Variants in TLR4 observed in about 807,000 individuals in gnomAD.
TLR4 encodes toll-like receptor 4.
Under a neutral mutation model 27.4 loss-of-function variants are expected in TLR4, and 17 were observed. That is an observed-to-expected ratio of 0.62 (90% CI 0.42 to 0.93). The LOEUF (loss-of-function observed/expected upper bound fraction) is 0.93, where lower values mean the gene tolerates loss of function less well. Among genes scored for constraint, TLR4 ranks in the 40% least tolerant of loss-of-function variants. The pLI, the probability that TLR4 is intolerant of heterozygous loss-of-function variation, is 0.00. For missense variants in TLR4, 926 were observed against 962.3 expected, an observed-to-expected ratio of 0.96 and a Z score of 0.50; for synonymous variants, 363 against 365.7, an observed-to-expected ratio of 0.99 and a Z score of 0.08.
At position 117,714,254 on chromosome 9, in the gene TLR4, A is replaced by C; in HGVS notation, c.2126A>C (p.Tyr709Ser). ...CCTCCATTTCAGCTCTGCCTTCACT[A>C]CAGAGACTTTATTCCCGGTGTGGCC... The part of the protein sequence containing the change: ...GVPPFQLCLH[Y>S]RDFIPGVAIA... The change falls in exon 3 of 3, where the codon TAC becomes TCC. Residue 709 changes from tyrosine (Y) to serine (S), a missense_variant. Coordinates refer to ENST00000355622, the MANE Select transcript of TLR4 (RefSeq NM_138554.5). 1 of 1,601,172 alleles carries C rather than the reference A, an allele frequency of 6.2e-7. No individual in the cohort carries two copies.
chr9:117,715,205 TG>T lies in TLR4; in HGVS notation c.*558del. ...TTCCTAAGGAAACCTGATTAACACA[TG>T]CTCACAACCATCCTGGTCATTCTCG... On this transcript the variant is annotated 3_prime_UTR_variant, in exon 3 of 3. Transcript: ENST00000355622. The T allele has an allele frequency of 1.3e-5, 2 of 158,380 alleles. No homozygotes were observed. The highest frequency in any genetic ancestry group is 6.0e-5 in the Admixed American group (1 of 16,758). 9.8% of individuals were successfully genotyped at this position (158,380 alleles called of 1,614,324 possible).
chr9:117,715,564 CAGGAAGGA>C lies in TLR4; in HGVS notation c.*919_*926del, dbSNP rs1427219731. On this transcript the variant is annotated 3_prime_UTR_variant, in exon 3 of 3. Coordinates refer to ENST00000355622, the MANE Select transcript of TLR4 (RefSeq NM_138554.5). ...TATCATGGACAATTTGGGCTAGAGG[CAGGAAGGA>C]AGTGGGATGACCTCAGGAGGTCACC... 1 of 152,150 alleles carries C rather than the reference CAGGAAGGA, an allele frequency of 6.6e-6. No individual in the cohort carries two copies. Among genetic ancestry groups the C allele is most frequent in the Non-Finnish European group, 1.5e-5 (1 of 68,050 alleles). The allele number at this position is 152,150 out of a possible 1,614,324, so 9.4% of individuals were successfully genotyped here.
chr9:117,712,112 A>G (rs911685299), intron 2 of TLR4, among the ~76,000 whole-genome samples: 4 of 152,100 alleles, frequency 2.6e-5, no homozygotes, highest in Non-Finnish European at 2.9e-5. Flanking sequence ...TTGATCTTTA[A>G]CTGATTTCCT....
At position 117,721,128 on chromosome 9, in the gene TLR4, G is replaced by A. The variant is rs1234601117; in HGVS notation, c.*6480G>A. On this transcript the variant is annotated 3_prime_UTR_variant, in exon 3 of 3. Transcript: ENST00000355622. ...ATTTAGAGAGTGCAAATGCAGTTTT[G>A]TTACATGAATATATTGCATAATGGT... The A allele has an allele frequency of 6.6e-6, 1 of 152,170 alleles. No homozygotes were observed. The highest frequency in any genetic ancestry group is 1.5e-5 in the Non-Finnish European group (1 of 68,004). 9.4% of individuals were successfully genotyped at this position (152,170 alleles called of 1,614,324 possible).
chr9:117,707,248 C>T (rs1031704602), intron 1 of TLR4, among the ~76,000 whole-genome samples: 4 of 152,192 alleles, frequency 2.6e-5, no homozygotes, highest in African/African-American at 9.6e-5. Flanking sequence ...TTTAAGCAGA[C>T]ATACGAATGA....
chr9:117,714,667 T>A lies in TLR4; in HGVS notation c.*19T>A, dbSNP rs746550985. ...TATCTGAAGAGGAAAAATAAAAACCTCCTGAGGCATTTCTTGCCCAGCTGG... is the reference window on the plus strand; with the variant it reads ...TATCTGAAGAGGAAAAATAAAAACCACCTGAGGCATTTCTTGCCCAGCTGG... On this transcript the variant is annotated 3_prime_UTR_variant, in exon 3 of 3. Coordinates refer to ENST00000355622, the MANE Select transcript of TLR4 (RefSeq NM_138554.5). 1 of 1,607,376 alleles carries A rather than the reference T, an allele frequency of 6.2e-7. No homozygotes were observed.
At position 117,724,337 on chromosome 9, in the gene TLR4, G is replaced by A. The variant is rs1829454992; in HGVS notation, c.*9689G>A. ...AAGCTCAATTCTGTTGCCATTCTAAGCTCTCTAAATGTCACCACAATCTTC... is the reference window on the plus strand; with the variant it reads ...AAGCTCAATTCTGTTGCCATTCTAAACTCTCTAAATGTCACCACAATCTTC... On this transcript the variant is annotated 3_prime_UTR_variant, in exon 3 of 3. Transcript: ENST00000355622. 1 of 152,174 alleles carries A rather than the reference G, an allele frequency of 6.6e-6. No homozygotes were observed. Among genetic ancestry groups the A allele is most frequent in the South Asian group, 2.1e-4 (1 of 4,822 alleles). The allele number at this position is 152,174 out of a possible 1,614,324, so 9.4% of individuals were successfully genotyped here. A position where few individuals can be genotyped will look rare whatever the true frequency, so the allele number is the denominator to read the frequency against.
rs1829349861 is a variant in TLR4 at position 117,716,472 on chromosome 9, A to G, written c.*1824A>G. The G allele has an allele frequency of 6.6e-6, 1 of 152,230 alleles. No individual in the cohort carries two copies. The highest frequency in any genetic ancestry group is 1.5e-5 in the Non-Finnish European group (1 of 68,044). 9.4% of individuals were successfully genotyped at this position (152,230 alleles called of 1,614,324 possible). On this transcript the variant is annotated 3_prime_UTR_variant, in exon 3 of 3. Coordinates refer to ENST00000355622, the MANE Select transcript of TLR4 (RefSeq NM_138554.5). The stretch of plus-strand genomic sequence containing the variant: ...AAAATGAGCAAGTAACAGAAAGACA[A>G]ATACTGCCTGATTTCATTTATATGA...
rs1564265617 is a variant in TLR4 at position 117,712,870 on chromosome 9, CA to C, written c.744del (p.Gly249ValfsTer5). On this transcript the variant is annotated frameshift_variant, in exon 3 of 3. Transcript: ENST00000355622. LOFTEE classifies it low-confidence loss of function (END_TRUNC). ...TTTAAATGTAATGAAAACTTGTATT[CA>C]AGGTCTGGCTGGTTTAGAAGTCCAT... is the stretch of plus-strand genomic sequence containing the variant. Reference protein sequence around the residue: ...DSLNVMKTCIQGLAGLEVHRL... With the variant: ...DSLNVMKTCIXGLAGLEVHRL... The C allele has an allele frequency of 6.2e-7, 1 of 1,613,888 alleles. No homozygotes were observed. The highest frequency in any genetic ancestry group is 1.7e-5 in the Admixed American group (1 of 59,978).
rs1829268757 is a variant in TLR4, at chr9:117,713,102, A to T, written c.974A>T (p.Asp325Val). ...LVSVTIERVK[D>V]FSYNFGWQHL... is the part of the protein sequence containing the mutation. ...AGTGTGACTATTGAAAGGGTAAAAG[A>T]CTTTTCTTATAATTTCGGATGGCAA... is the stretch of plus-strand genomic sequence containing the variant. The change falls in exon 3 of 3, where the codon GAC (aspartate) becomes GTC (valine). Residue 325 changes from aspartate to valine, a missense_variant. Transcript: ENST00000355622. The T allele has an allele frequency of 6.2e-7, 1 of 1,612,402 alleles. No homozygotes were observed. Among genetic ancestry groups the T allele is most frequent in the Admixed American group, 1.7e-5 (1 of 59,836 alleles).
intron 1 of TLR4, chr9:117,708,013 C>A (rs564632000): frequency 1.8e-4 from 31 of 173,590 alleles, no homozygotes; most frequent in Non-Finnish European, 2.7e-4. Flanking sequence ...TGGAACGCAT[C>A]ATGGATTTGT....
Position 117,712,994 on chromosome 9 carries a change from G to A in TLR4, c.866G>A (p.Arg289Gln), listed in dbSNP as rs200276033. The A allele has an allele frequency of 1.2e-5, 19 of 1,613,924 alleles. No individual in the cohort carries two copies. Among genetic ancestry groups the A allele is most frequent in the Middle Eastern group, 1.6e-4 (1 of 6,084 alleles). ...TGCAATTTGACCATTGAAGAATTCC[G>A]ATTAGCATACTTAGACTACTACCTC... ...GLCNLTIEEF[R>Q]LAYLDYYLDD... The change falls in exon 3 of 3, where the codon CGA becomes CAA. Residue 289 changes from arginine to glutamine, a missense_variant. Transcript: ENST00000355622.
intron 2 of TLR4, among the ~76,000 whole-genome samples, chr9:117,711,885 T>A (rs920303748): frequency 6.6e-6 from 1 of 152,228 alleles, no homozygotes; most frequent in Admixed American, 6.5e-5. Context: ...GCACTTTTCA[T>A]AAACATTAAG....
At chr9:117,705,526 A>G (rs1424010496) in intron 1 of TLR4, among the ~76,000 whole-genome samples, 1 of 152,100 alleles carries the variant, frequency 6.6e-6, no homozygotes, top group Admixed American at 6.5e-5. Flanking sequence ...TAGATTTTCT[A>G]ATTAGGCTCA....
Position 117,714,284 on chromosome 9 carries a change from C to A in TLR4, c.2156C>A (p.Ala719Asp). The change falls in exon 3 of 3, where the codon GCT becomes GAT. Residue 719 changes from alanine (A) to aspartate (D), a missense_variant. Ala to Asp is a moderately radical substitution (Grantham distance 126, BLOSUM62 -2). Coordinates refer to ENST00000355622, the MANE Select transcript of TLR4 (RefSeq NM_138554.5). ...YRDFIPGVAI[A>D]ANIIHEGFHK... ...GACTTTATTCCCGGTGTGGCCATTG[C>A]TGCCAACATCATCCATGAAGGTTTC... 6.3e-7 allele frequency: 1 copy of A among 1,592,902 alleles called. No homozygotes were observed. Among genetic ancestry groups the A allele is most frequent in the South Asian group, 1.1e-5 (1 of 89,698 alleles).
chr9:117,704,458 G>T lies in TLR4; in HGVS notation c.-15G>T. 1 of 1,611,200 alleles carries T rather than the reference G, an allele frequency of 6.2e-7. No individual in the cohort carries two copies. On this transcript the variant is annotated 5_prime_UTR_variant, in exon 1 of 3. Transcript: ENST00000355622. ...GGCCACTGCTGCTCACAGAAGCAGT[G>T]AGGATGATGCCAGGATGATGTCTGC...
At chr9:117,704,799 T>A (rs1419379579) in intron 1 of TLR4, among the ~76,000 whole-genome samples, 2 of 152,128 alleles carry the variant, frequency 1.3e-5, no homozygotes, top group South Asian at 2.1e-4. Flanking sequence ...ATAACATAGA[T>A]CTGCTTAAGG....
rs1359223524 is a variant in TLR4 at position 117,716,186 on chromosome 9, T to G, written c.*1538T>G. 1 of 152,164 alleles carries G rather than the reference T, an allele frequency of 6.6e-6. No homozygotes were observed. Among genetic ancestry groups the G allele is most frequent in the Admixed American group, 6.6e-5 (1 of 15,266 alleles). 9.4% of individuals were successfully genotyped at this position (152,164 alleles called of 1,614,324 possible). ...AATTAAAAATAGAACTGCTATATGA[T>G]CCAGCAATCTCACTTCTGTATATAT... On this transcript the variant is annotated 3_prime_UTR_variant, in exon 3 of 3. Coordinates refer to ENST00000355622, the MANE Select transcript of TLR4 (RefSeq NM_138554.5).
chr9:117,708,352 A>G lies in TLR4; in HGVS notation c.94-211A>G. 5.8e-6 allele frequency: 8 copies of G among 1,379,484 alleles called. No homozygotes were observed. The South Asian group carries it at 1.1e-4, about 18-fold the overall frequency. The allele number at this position is 1,379,484 out of a possible 1,614,324, so 85.5% of individuals were successfully genotyped here. ...GCTGAGCACGTAGTAGGTGCTCTTT[A>G]CTTTCTAATCTAGAGTAAGACAATT... On this transcript the variant is annotated intron_variant, in intron 1 of 2. Transcript: ENST00000355622.
Sources: gnomAD v4.1 joint callset for allele counts (sites outside exome capture counted in the v4.1 genomes callset) on GRCh38, gnomAD v4.1.1 for gene constraint, MANE v1.5 for transcripts, NCBI Gene and HGNC (gene_info 2026-07-23, HGNC 2026-07-21) for gene names.